Variants in ST6GALNAC5 observed in about 807,000 individuals in gnomAD.
ST6GALNAC5 encodes alpha-N-acetylgalactosaminide alpha-2,6-sialyltransferase 5.
In ST6GALNAC5, 27 loss-of-function variants were observed where a neutral mutation model predicts 33.6. The ratio of observed to expected loss-of-function variants is 0.80; its 90% CI spans 0.59 to 1.11. The LOEUF (loss-of-function observed/expected upper bound fraction) is 1.11, where lower values mean the gene tolerates loss of function less well. ST6GALNAC5 is among the 50% of genes least tolerant of loss of function. ST6GALNAC5 has a pLI of 0.00. For missense variants in ST6GALNAC5, 428 were observed against 454.0 expected (o/e 0.94, Z 0.52); for synonymous variants, 194 against 171.2 (o/e 1.13, Z -1.04).
intron 2 of ST6GALNAC5, among the ~76,000 whole-genome samples, chr1:77,028,800 GA>G (rs1334799842): frequency 1.3e-5 from 2 of 152,194 alleles, no homozygotes; most frequent in African/African-American, 4.8e-5. Flanking sequence ...GGGAAGTTGA[GA>G]AATTTTCCCA....
chr1:76,912,485 A>G lies in ST6GALNAC5; in HGVS notation c.261+43743A>G, dbSNP rs578170504. Among the ~76,000 whole-genome samples the G allele has an allele frequency of 2.2e-4, 34 of 151,572 alleles. No individual in the cohort carries two copies. In the East Asian group the frequency reaches 3.5e-3, roughly 16 times the overall value. On this transcript the variant is annotated intron_variant, in intron 2 of 4. Coordinates refer to ENST00000477717, the MANE Select transcript of ST6GALNAC5 (RefSeq NM_030965.3). ...GTTCAATTCCTGGGTATCCTTGTTA[A>G]CTTTCTGTCTCGTTGATCTGTCTAA...
intron 2 of ST6GALNAC5, among the ~76,000 whole-genome samples, chr1:76,877,447 T>C (rs1015672480): frequency 1.3e-5 from 2 of 152,172 alleles, no homozygotes; most frequent in African/African-American, 4.8e-5. Flanking sequence ...AAATGAGGAA[T>C]GTGTTGCCTC....
At chr1:77,053,441 A>G (rs778661583) in intron 4 of ST6GALNAC5, among the ~76,000 whole-genome samples, 9 of 152,272 alleles carry the variant, frequency 5.9e-5, no homozygotes, top group Admixed American at 1.3e-4. Flanking sequence ...TATGGCAGAT[A>G]CTTCATAAAT....
chr1:76,972,848 T>G lies in ST6GALNAC5; in HGVS notation c.262-71356T>G, dbSNP rs1327552663. 3.9e-5 allele frequency among the ~76,000 whole-genome samples: 6 copies of G among 152,188 alleles called. No individual in the cohort carries two copies. The East Asian group carries it at 7.7e-4, about 20-fold the overall frequency. ...CCCACAGTGCCTAATACATTTAGATTTTTGTCACTTTGAAACTAAGAACAA... is the reference window on the plus strand; with the variant it reads ...CCCACAGTGCCTAATACATTTAGATGTTTGTCACTTTGAAACTAAGAACAA... On this transcript the variant is annotated intron_variant, in intron 2 of 4. Transcript: ENST00000477717.
At chr1:76,903,839 A>T (rs1455453980) in intron 2 of ST6GALNAC5, among the ~76,000 whole-genome samples, 1 of 152,206 alleles carries the variant, frequency 6.6e-6, no homozygotes, top group Non-Finnish European at 1.5e-5. Context: ...ATATAATCCC[A>T]TTTATATGAG....
chr1:76,962,475 A>G (rs1216462628), intron 2 of ST6GALNAC5, among the ~76,000 whole-genome samples: 4 of 151,148 alleles, frequency 2.6e-5, no homozygotes, highest in Non-Finnish European at 5.9e-5. Flanking sequence ...TTTCATTTTA[A>G]CAGAGACCTA....
At chr1:76,900,659 A>G (rs1158578017) in intron 2 of ST6GALNAC5, among the ~76,000 whole-genome samples, 3 of 152,240 alleles carry the variant, frequency 2.0e-5, no homozygotes, top group Non-Finnish European at 4.4e-5. Context: ...CAAGGAAGCG[A>G]TCAATCTCAT....
chr1:76,903,874 C>G (rs962610244), intron 2 of ST6GALNAC5, among the ~76,000 whole-genome samples: 1 of 152,080 alleles, frequency 6.6e-6, no homozygotes, highest in Non-Finnish European at 1.5e-5. Flanking sequence ...CAAATCCATA[C>G]AAACAGAAAG....
At chr1:76,981,982 A>G (rs188894638) in intron 2 of ST6GALNAC5, among the ~76,000 whole-genome samples, 2 of 152,310 alleles carry the variant, frequency 1.3e-5, no homozygotes, top group African/African-American at 4.8e-5. Context: ...CAAAAAGGAC[A>G]TCCACACCAA....
At chr1:76,969,198 G>C (rs1312450159) in intron 2 of ST6GALNAC5, among the ~76,000 whole-genome samples, 1 of 152,218 alleles carries the variant, frequency 6.6e-6, no homozygotes, top group East Asian at 1.9e-4. Context: ...TGGAGGGCAA[G>C]CCGAAGCAGG....
intron 2 of ST6GALNAC5, among the ~76,000 whole-genome samples, chr1:77,026,892 C>T (rs1189343770): frequency 1.3e-5 from 2 of 152,324 alleles, no homozygotes; most frequent in Admixed American, 6.5e-5. Flanking sequence ...GATTCTGGCT[C>T]CTGCCCCACA....
At chr1:76,995,637 T>A (rs1649902374) in intron 2 of ST6GALNAC5, 1 of 152,146 alleles carries the variant, frequency 6.6e-6, no homozygotes, top group South Asian at 2.1e-4. Flanking sequence ...GTGTGTTATA[T>A]ATGTGTAACA....
intron 2 of ST6GALNAC5, among the ~76,000 whole-genome samples, chr1:76,931,272 C>G (rs1647138117): frequency 6.6e-6 from 1 of 152,060 alleles, no homozygotes; most frequent in Non-Finnish European, 1.5e-5. Flanking sequence ...CTGATGAGAC[C>G]ACACCCTGCC....
Position 77,065,056 on chromosome 1 carries a change from C to T in ST6GALNAC5, c.*1850C>T, listed in dbSNP as rs1162236744. 1.3e-5 allele frequency: 2 copies of T among 152,208 alleles called. No homozygotes were observed. The highest frequency in any genetic ancestry group is 2.9e-5 in the Non-Finnish European group (2 of 68,040). 9.4% of individuals were successfully genotyped at this position (152,208 alleles called of 1,614,324 possible). Reference sequence around the variant, plus strand: ...CTGGAATATGTTCTTTAAGTTTTCTCATAGTTTTTAAAGGGACTATGAATT... The same window carrying T: ...CTGGAATATGTTCTTTAAGTTTTCTTATAGTTTTTAAAGGGACTATGAATT... On this transcript the variant is annotated 3_prime_UTR_variant, in exon 5 of 5. Coordinates refer to ENST00000477717, the MANE Select transcript of ST6GALNAC5 (RefSeq NM_030965.3).
chr1:76,944,466 C>G (rs1348969792), intron 2 of ST6GALNAC5, among the ~76,000 whole-genome samples: 2 of 151,996 alleles, frequency 1.3e-5, no homozygotes, highest in Non-Finnish European at 2.9e-5. Flanking sequence ...CCTCTCTATT[C>G]CCTTTTTTAA....
intron 2 of ST6GALNAC5, among the ~76,000 whole-genome samples, chr1:76,938,537 G>A (rs1647249506): frequency 6.6e-6 from 1 of 151,974 alleles, no homozygotes; most frequent in Admixed American, 6.6e-5. Flanking sequence ...CACAAATGTG[G>A]GCTCATCTTT....
chr1:77,052,832 C>T (rs1217300138), intron 4 of ST6GALNAC5, among the ~76,000 whole-genome samples: 1 of 148,820 alleles, frequency 6.7e-6, no homozygotes, highest in Non-Finnish European at 1.5e-5. Context: ...GCATGAGAAT[C>T]GCTTGAACCT....
intron 2 of ST6GALNAC5, among the ~76,000 whole-genome samples, chr1:76,963,890 C>A (rs1254613195): frequency 6.6e-6 from 1 of 152,118 alleles, no homozygotes; most frequent in East Asian, 1.9e-4. Context: ...CATATGAATC[C>A]ATAAAAGGGG....
chr1:76,912,977 A>C (rs374156405), intron 2 of ST6GALNAC5, among the ~76,000 whole-genome samples: 18,676 of 151,648 alleles, frequency 0.12, 1,225 homozygotes, highest in South Asian at 0.25. Flanking sequence ...TTAGCTGGTT[A>C]TTTTGCTCAT....
Sources: gnomAD v4.1 joint callset for allele counts (sites outside exome capture counted in the v4.1 genomes callset) on GRCh38, gnomAD v4.1.1 for gene constraint, MANE v1.5 for transcripts, NCBI Gene and HGNC (gene_info 2026-07-23, HGNC 2026-07-21) for gene names.